The following GALK2 variants were observed in gnomAD, a reference collection of about 807,000 sequenced individuals.
GALK2 encodes the protein galactokinase 2.
A neutral mutation model predicts 52.4 loss-of-function variants in GALK2; 36 were observed. That is an observed-to-expected ratio of 0.69 (90% CI 0.53 to 0.91). GALK2 has a LOEUF of 0.91. GALK2 is among the 40% of genes least tolerant of loss of function. GALK2 has a pLI of 0.00. For synonymous variants in GALK2, 176 were observed against 199.1 expected (o/e 0.88, Z 0.98); for missense variants, 579 against 559.1 (o/e 1.04, Z -0.36).
chr15:49,278,260 C>CA (rs1173261528), intron 5 of GALK2, among the ~76,000 whole-genome samples: 3 of 151,938 alleles, frequency 2.0e-5, no homozygotes, highest in African/African-American at 4.8e-5. Context: ...GACACTGACT[C>CA]AAAAAAACAA....
At chr15:49,237,836 A>G (rs2090906988) in intron 4 of GALK2, among the ~76,000 whole-genome samples, 1 of 151,962 alleles carries the variant, frequency 6.6e-6, no homozygotes, top group Non-Finnish European at 1.5e-5. Flanking sequence ...TATATTAAAT[A>G]TATTGTATTC....
chr15:49,331,739 T>C lies in GALK2; in HGVS notation c.*3580T>C. The C allele has an allele frequency of 8.2e-7, 1 of 1,219,194 alleles. No individual in the cohort carries two copies. The highest frequency in any genetic ancestry group is 1.2e-6 in the Non-Finnish European group (1 of 820,620). The allele number at this position is 1,219,194 out of a possible 1,614,324, so 75.5% of individuals were successfully genotyped here. A position where few individuals can be genotyped will look rare whatever the true frequency, so the allele number is the denominator to read the frequency against. On this transcript the variant is annotated 3_prime_UTR_variant, in exon 10 of 10. Coordinates refer to ENST00000560031, the MANE Select transcript of GALK2 (RefSeq NM_002044.4). ...ATTGTCCAGTCTATATAAAAGAAGC[T>C]AGAGAGAGAATTCTCAATTATTTTC...
intron 1 of GALK2, among the ~76,000 whole-genome samples, chr15:49,192,995 ACCT>A (rs773207320): frequency 0.15 from 18,418 of 126,540 alleles, 1,474 homozygotes; most frequent in Middle Eastern, 0.27. Flanking sequence ...TTCTGTTTAT[ACCT>A]TTTTTTTTTT....
chr15:49,358,564 A>T (rs904355963), intron 3 of GALK2, among the ~76,000 whole-genome samples: 72 of 149,554 alleles, frequency 4.8e-4, no homozygotes, highest in African/African-American at 1.7e-3. Context: ...AGAACTACAA[A>T]CCACTGCTCA....
At chr15:49,230,633 C>CT (rs1341184117) in intron 3 of GALK2, among the ~76,000 whole-genome samples, 1 of 152,266 alleles carries the variant, frequency 6.6e-6, no homozygotes, top group East Asian at 1.9e-4. Flanking sequence ...TGATGCTACT[C>CT]TTATTATAAA....
intron 5 of GALK2, among the ~76,000 whole-genome samples, chr15:49,253,175 C>G (rs1352559180): frequency 6.9e-6 from 1 of 144,776 alleles, no homozygotes; most frequent in African/African-American, 2.5e-5. Context: ...AGCATAGGAT[C>G]ATTATATGTG....
intron 8 of GALK2, among the ~76,000 whole-genome samples, chr15:49,315,616 C>T (rs1248267652): frequency 6.6e-6 from 1 of 152,202 alleles, no homozygotes; most frequent in Admixed American, 6.5e-5. Flanking sequence ...ATTTTTATAT[C>T]ACAATTGAAA....
chr15:49,258,863 T>C (rs1269351227), intron 5 of GALK2, among the ~76,000 whole-genome samples: 1 of 150,342 alleles, frequency 6.7e-6, no homozygotes, highest in African/African-American at 2.5e-5. Flanking sequence ...AGATGGTATC[T>C]CATTGTGGTT....
intron 1 of GALK2, chr15:49,156,464 C>T: frequency 2.1e-6 from 1 of 476,478 alleles, no homozygotes; most frequent in East Asian, 5.2e-5. Flanking sequence ...TAGTCTCTAT[C>T]CAGAAATTAA....
intron 8 of GALK2, among the ~76,000 whole-genome samples, chr15:49,299,103 A>G (rs1224715795): frequency 1.3e-5 from 2 of 152,114 alleles, no homozygotes; most frequent in Non-Finnish European, 2.9e-5. Flanking sequence ...TTGTCTGTTC[A>G]GGAATTCAGT....
chr15:49,214,173 G>A (rs921342704), intron 2 of GALK2, among the ~76,000 whole-genome samples: 14 of 151,898 alleles, frequency 9.2e-5, no homozygotes, highest in Admixed American at 4.6e-4. Context: ...ACAGGTTTTT[G>A]TTTTGTGGTT....
At position 49,328,095 on chromosome 15, in the gene GALK2, C is replaced by A; in HGVS notation, c.1313C>A (p.Pro438Gln). The A allele has an allele frequency of 6.2e-7, 1 of 1,613,940 alleles. No homozygotes were observed. Among genetic ancestry groups the A allele is most frequent in the Non-Finnish European group, 8.5e-7 (1 of 1,179,952 alleles). Reference protein sequence around the residue: ...YYQRSDGSLAPEKQSLFATKP... With the variant: ...YYQRSDGSLAQEKQSLFATKP... ...CAGAGGAGTGATGGAAGCTTAGCAC[C>A]GGAGAAGCAAAGTTTGTTTGCTACC... Residue 438 changes from proline (P) to glutamine (Q), a missense_variant, in exon 10 of 10, where the codon CCG becomes CAG. By Grantham distance (76) the Pro-to-Gln change is moderately conservative. Transcript: ENST00000560031.
chr15:49,256,341 A>G (rs1406658023), intron 5 of GALK2, among the ~76,000 whole-genome samples: 1 of 152,130 alleles, frequency 6.6e-6, no homozygotes. Flanking sequence ...TCTGCAGGGA[A>G]CAGGTGGACT....
chr15:49,269,545 T>A (rs1041904384), intron 5 of GALK2, among the ~76,000 whole-genome samples: 5 of 152,266 alleles, frequency 3.3e-5, no homozygotes, highest in African/African-American at 1.2e-4. Flanking sequence ...GTTTCAGCAT[T>A]TCTACATACA....
intron 5 of GALK2, among the ~76,000 whole-genome samples, chr15:49,269,263 A>G (rs1301387501): frequency 1.3e-5 from 2 of 152,188 alleles, no homozygotes; most frequent in Middle Eastern, 3.2e-3. Flanking sequence ...GTGCTGTACA[A>G]GAGATCAAAT....
At chr15:49,258,141 T>C (rs1421316816) in intron 5 of GALK2, among the ~76,000 whole-genome samples, 3 of 152,090 alleles carry the variant, frequency 2.0e-5, no homozygotes, top group Non-Finnish European at 4.4e-5. Context: ...CAATTTTTAA[T>C]AACATATCTA....
In GALK2 at chr15:49,330,186, A is replaced by G. The variant is rs1205972316; in HGVS notation, c.*2027A>G. 1.3e-5 allele frequency: 2 copies of G among 152,262 alleles called. No individual in the cohort carries two copies. Among genetic ancestry groups the G allele is most frequent in the Admixed American group, 1.3e-4 (2 of 15,284 alleles). The allele number at this position is 152,262 out of a possible 1,614,324, so 9.4% of individuals were successfully genotyped here. A position where few individuals can be genotyped will look rare whatever the true frequency, so the allele number is the denominator to read the frequency against. On this transcript the variant is annotated 3_prime_UTR_variant, in exon 10 of 10. Coordinates refer to ENST00000560031, the MANE Select transcript of GALK2 (RefSeq NM_002044.4). Reference sequence around the variant, plus strand: ...CTGCAGATGAGCAAAGCCTATGGGTATAGGCAAACATGGTGTGTGTAGGAG... The same window carrying G: ...CTGCAGATGAGCAAAGCCTATGGGTGTAGGCAAACATGGTGTGTGTAGGAG...
intron 8 of GALK2, among the ~76,000 whole-genome samples, chr15:49,299,746 T>TCTTTCTTTC (rs2034864497): frequency 3.2e-5 from 4 of 126,680 alleles, no homozygotes; most frequent in African/African-American, 9.1e-5. Context: ...TTTCTTTCTT[T>TCTTTCTTTC]CTTTCTTTCT....
chr15:49,201,388 G>C, intron 2 of GALK2, 138 bp downstream of exon 2: 2 of 535,020 alleles, frequency 3.7e-6, no homozygotes, highest in East Asian at 6.1e-5. Context: ...ATGTGCCTTT[G>C]CATAAGGAAC....
Sources: gnomAD v4.1 joint callset for allele counts (sites outside exome capture counted in the v4.1 genomes callset) on GRCh38, gnomAD v4.1.1 for gene constraint, MANE v1.5 for transcripts, NCBI Gene and HGNC (gene_info 2026-07-23, HGNC 2026-07-21) for gene names.